The following BCAS3 variants were observed in gnomAD, a reference collection of about 807,000 sequenced individuals.
BCAS3 encodes BCAS3 microtubule associated cell migration factor.
Under a neutral mutation model 116.1 loss-of-function variants are expected in BCAS3, and 53 were observed. The ratio of observed to expected loss-of-function variants is 0.46; its 90% confidence interval spans 0.37 to 0.57. The LOEUF is 0.57. Ranked by LOEUF, BCAS3 falls within the 20% of genes least tolerant of loss-of-function variation. The probability of loss-of-function intolerance (pLI) is 0.00; values close to 1 mark genes in which losing one functional copy is unlikely to be tolerated. For missense variants in BCAS3, 917 were observed against 1,165.4 expected (o/e 0.79, Z 3.10); for synonymous variants, 391 against 408.2 (o/e 0.96, Z 0.51).
chr17:60,807,980 A>T (rs755317722), intron 6 of BCAS3, 24 bp from the exon 7 acceptor site: 11 of 1,526,148 alleles, frequency 7.2e-6, no homozygotes, highest in Non-Finnish European at 9.9e-6. Context: ...CAAAGCTTAC[A>T]ATTTATTTTA....
chr17:60,754,145 C>T (rs1356292659), intron 6 of BCAS3, among the ~76,000 whole-genome samples: 1 of 152,124 alleles, frequency 6.6e-6, no homozygotes, highest in Admixed American at 6.5e-5. Flanking sequence ...AAGTGATCCT[C>T]CTGCCTTGGC....
intron 22 of BCAS3, among the ~76,000 whole-genome samples, chr17:61,089,991 A>T (rs574710022): frequency 5.6e-4 from 85 of 152,296 alleles, no homozygotes; most frequent in African/African-American, 2.0e-3. Flanking sequence ...GTCTACAATG[A>T]TGTGGCCACA....
At chr17:61,038,837 T>A (rs2067275186) in intron 18 of BCAS3, among the ~76,000 whole-genome samples, 1 of 151,820 alleles carries the variant, frequency 6.6e-6, no homozygotes, top group African/African-American at 2.4e-5. Flanking sequence ...TCTGGCTAAT[T>A]TTTAGTAGAG....
chr17:60,948,186 G>A (rs1190658102), intron 14 of BCAS3, among the ~76,000 whole-genome samples: 1 of 151,914 alleles, frequency 6.6e-6, no homozygotes, highest in Non-Finnish European at 1.5e-5. Context: ...TTGGCTCACT[G>A]CAACCTCTGC....
In BCAS3 at chr17:61,391,156, A is replaced by C. The variant is rs2060113533; in HGVS notation, c.2594-821A>C. ...AGGACAATTGAGCGGCCCACAGCTGAATTAGATGGATCAAGCTGCCATATC... is the reference window on the plus strand; with the variant it reads ...AGGACAATTGAGCGGCCCACAGCTGCATTAGATGGATCAAGCTGCCATATC... On this transcript the variant is annotated intron_variant, in intron 23 of 23. Transcript: ENST00000407086. The surrounding 1 kb of genome is among the most constrained non-coding windows in gnomAD (Gnocchi z 7.7). The C allele has an allele frequency of 6.6e-6, 1 of 152,252 alleles. No homozygotes were observed. Among genetic ancestry groups the C allele is most frequent in the African/African-American group, 2.4e-5 (1 of 41,456 alleles). 9.4% of individuals were successfully genotyped at this position (152,252 alleles called of 1,614,324 possible).
rs544356422 is a variant in BCAS3, at chr17:61,309,693, C to G, written c.2426-58634C>G. On this transcript the variant is annotated intron_variant, in intron 22 of 23. Coordinates refer to ENST00000407086, the MANE Select transcript of BCAS3 (RefSeq NM_017679.5). This position sits in a 1 kb window ranked among gnomAD's most constrained non-coding sequence, Gnocchi z 4.6. ...AAGGCACTGTGAGCAAAGCCTGGAACTGGAGAGATGACCCAGGGTCTTTGG... is the reference window on the plus strand; with the variant it reads ...AAGGCACTGTGAGCAAAGCCTGGAAGTGGAGAGATGACCCAGGGTCTTTGG... Among the ~76,000 whole-genome samples, 4 of 152,298 alleles carry G rather than the reference C, an allele frequency of 2.6e-5. 1 individual carries two copies. The East Asian group carries it at 7.7e-4, about 29-fold the overall frequency.
At chr17:61,176,158 A>G (rs974646658) in intron 22 of BCAS3, among the ~76,000 whole-genome samples, 77 of 149,390 alleles carry the variant, frequency 5.2e-4, no homozygotes, top group Middle Eastern at 3.5e-3. Flanking sequence ...AAAAAAAAAA[A>G]AAAGAAAAAG....
chr17:60,825,679 G>A (rs954454805), intron 7 of BCAS3, among the ~76,000 whole-genome samples: 9 of 151,520 alleles, frequency 5.9e-5, no homozygotes, highest in African/African-American at 2.2e-4. Flanking sequence ...TTGCTTCCAA[G>A]GTTGCACCTT....
chr17:60,837,087 G>A lies in BCAS3; in HGVS notation c.476+29011G>A, dbSNP rs138112152. On this transcript the variant is annotated intron_variant, in intron 7 of 23. Coordinates refer to ENST00000407086, the MANE Select transcript of BCAS3 (RefSeq NM_017679.5). ...TCTTGGAGGCTTGGAAGATTTTGCT[G>A]CATTGTCAAATGATTGCACTTTAAC... Among the ~76,000 whole-genome samples, 24 of 152,216 alleles carry A rather than the reference G, an allele frequency of 1.6e-4. No homozygotes were observed. In the East Asian group the frequency reaches 4.4e-3, roughly 28 times the overall value.
intron 6 of BCAS3, among the ~76,000 whole-genome samples, chr17:60,758,818 T>C (rs556477592): frequency 6.6e-6 from 1 of 152,334 alleles, no homozygotes; most frequent in East Asian, 1.9e-4. Context: ...ATGATGTGTT[T>C]CCATTTTAAT....
intron 22 of BCAS3, among the ~76,000 whole-genome samples, chr17:61,155,861 A>G (rs1258091886): frequency 6.6e-6 from 1 of 152,210 alleles, no homozygotes; most frequent in Admixed American, 6.5e-5. Flanking sequence ...TTAATCATTT[A>G]TTAACATAAC....
In BCAS3 at chr17:61,095,596, A is replaced by T. The variant is rs903655936; in HGVS notation, c.2425+11032A>T. 1.3e-5 allele frequency among the ~76,000 whole-genome samples: 2 copies of T among 152,072 alleles called. No homozygotes were observed. Among genetic ancestry groups the T allele is most frequent in the Middle Eastern group, 6.8e-3 (2 of 294 alleles). ...CTTCTCCTGCCTCAGCCTCCCGAGT[A>T]GCTGGGACTCCAGGCATGCACCACC... On this transcript the variant is annotated intron_variant, in intron 22 of 23. Transcript: ENST00000407086. The surrounding 1 kb of genome is among the most constrained non-coding windows in gnomAD (Gnocchi z 4.7).
intron 4 of BCAS3, among the ~76,000 whole-genome samples, chr17:60,695,524 T>C (rs2035480408): frequency 6.6e-6 from 1 of 152,234 alleles, no homozygotes; most frequent in Non-Finnish European, 1.5e-5. Flanking sequence ...ATATCTCTTC[T>C]AGTGGAATTG....
rs1309746303 is a variant in BCAS3 at position 61,279,435 on chromosome 17, C to T, written c.2426-88892C>T. Reference sequence around the variant, plus strand: ...TGTGCACAGATCAGGGGTTCCATTCCATTCCTTATTATTTGGGTTCTTCTT... The same window carrying T: ...TGTGCACAGATCAGGGGTTCCATTCTATTCCTTATTATTTGGGTTCTTCTT... On this transcript the variant is annotated intron_variant, in intron 22 of 23. Transcript: ENST00000407086. The surrounding 1 kb of genome is among the most constrained non-coding windows in gnomAD (Gnocchi z 4.4). 6.6e-6 allele frequency among the ~76,000 whole-genome samples: 1 copy of T among 152,052 alleles called. No homozygotes were observed. The highest frequency in any genetic ancestry group is 1.9e-4 in the East Asian group (1 of 5,180).
At chr17:61,202,059 CTTTTTTTTTTTT>C (rs35961240) in intron 22 of BCAS3, among the ~76,000 whole-genome samples, 4 of 70,334 alleles carry the variant, frequency 5.7e-5, no homozygotes, top group African/African-American at 1.6e-4. Flanking sequence ...TGCCCGGCCT[CTTTTTTTTTTTT>C]TTTTTTTTTT....
At chr17:60,705,843 A>G (rs1156406399) in intron 4 of BCAS3, among the ~76,000 whole-genome samples, 1 of 152,196 alleles carries the variant, frequency 6.6e-6, no homozygotes, top group East Asian at 1.9e-4. Context: ...CAAATGATGG[A>G]AGAAGGATTG....
chr17:61,065,650 TA>T lies in BCAS3; in HGVS notation c.2030-9265del, dbSNP rs745813568. The stretch of plus-strand genomic sequence containing the variant: ...CATTATTCATCTCTCAGGTCTCCAC[TA>T]AAAACTTTCACGTGCTAAGGGTTTT... On this transcript the variant is annotated intron_variant, in intron 19 of 23. Transcript: ENST00000407086. This position sits in a 1 kb window ranked among gnomAD's most constrained non-coding sequence, Gnocchi z 4.8. Among the ~76,000 whole-genome samples the T allele has an allele frequency of 1.3e-5, 2 of 152,168 alleles. No individual in the cohort carries two copies. Among genetic ancestry groups the T allele is most frequent in the Non-Finnish European group, 2.9e-5 (2 of 68,014 alleles).
At position 61,067,273 on chromosome 17, in the gene BCAS3, GTATATATATATATATATATATA is replaced by G. The variant is rs1199603635; in HGVS notation, c.2030-7625_2030-7604del. 1.9e-3 allele frequency among the ~76,000 whole-genome samples: 111 copies of G among 58,800 alleles called. 4 individuals carry two copies. Among genetic ancestry groups the G allele is most frequent in the Admixed American group, 5.4e-3 (26 of 4,854 alleles). 38.6% of individuals were successfully genotyped at this position (58,800 alleles called of 152,430 possible). A position where few individuals can be genotyped will look rare whatever the true frequency, so the allele number is the denominator to read the frequency against. On this transcript the variant is annotated intron_variant, in intron 19 of 23. Coordinates refer to ENST00000407086, the MANE Select transcript of BCAS3 (RefSeq NM_017679.5). ...CATAACTTTATTTATGTGTGTATGT[GTATATATATATATATATATATA>G]TATATATATATATATATATATTTAT...
At position 61,186,267 on chromosome 17, in the gene BCAS3, C is replaced by T. The variant is rs933882564; in HGVS notation, c.2425+101703C>T. Among the ~76,000 whole-genome samples, 2 of 151,906 alleles carry T rather than the reference C, an allele frequency of 1.3e-5. No individual in the cohort carries two copies. Among genetic ancestry groups the T allele is most frequent in the Admixed American group, 6.5e-5 (1 of 15,268 alleles). ...ATATATTCATACACATTCTATAAAA[C>T]CATTTTTAACCCATATGTTAAGGTT... On this transcript the variant is annotated intron_variant, in intron 22 of 23. Coordinates refer to ENST00000407086, the MANE Select transcript of BCAS3 (RefSeq NM_017679.5). This position sits in a 1 kb window ranked among gnomAD's most constrained non-coding sequence, Gnocchi z 4.9.
Sources: gnomAD v4.1 joint callset for allele counts (sites outside exome capture counted in the v4.1 genomes callset) on GRCh38, gnomAD v4.1.1 for gene constraint, Gnocchi (gnomAD v3.1) non-coding constraint, MANE v1.5 for transcripts, NCBI Gene and HGNC (gene_info 2026-07-23, HGNC 2026-07-21) for gene names.